Variants in PLEKHM3 observed in about 807,000 individuals in gnomAD.
PLEKHM3 encodes the protein pleckstrin homology domain-containing family M member 3.
In PLEKHM3, 45 loss-of-function variants were observed where a neutral mutation model predicts 81.8. The ratio of observed to expected loss-of-function variants is 0.55; its 90% confidence interval spans 0.43 to 0.71. PLEKHM3 has a LOEUF of 0.71. Ranked by LOEUF, PLEKHM3 falls within the 30% of genes least tolerant of loss-of-function variation. PLEKHM3 has a pLI of 0.00. For missense variants in PLEKHM3, 788 were observed against 924.3 expected, an observed-to-expected ratio of 0.85 and a Z score of 1.91; for synonymous variants, 352 against 356.4, an observed-to-expected ratio of 0.99 and a Z score of 0.14.
At chr2:207,868,523 A>ACTTAACCTCTT (rs2105824755) in intron 6 of PLEKHM3, 1 of 152,346 alleles carries the variant, frequency 6.6e-6, no homozygotes, top group East Asian at 1.9e-4. Context: ...TTGGCAAGCT[A>ACTTAACCTCTT]CTTAACCTCT....
At chr2:207,846,272 G>C (rs906254181) in intron 7 of PLEKHM3, among the ~76,000 whole-genome samples, 28 of 151,998 alleles carry the variant, frequency 1.8e-4, no homozygotes, top group Non-Finnish European at 3.2e-4. Flanking sequence ...CTCTCAAGTA[G>C]CTGGGATTAC....
chr2:207,917,052 G>A (rs2105914625), intron 5 of PLEKHM3, among the ~76,000 whole-genome samples: 1 of 152,282 alleles, frequency 6.6e-6, no homozygotes, highest in South Asian at 2.1e-4. Flanking sequence ...GAGCTATTAG[G>A]ATATCAGGAA....
intron 4 of PLEKHM3, among the ~76,000 whole-genome samples, chr2:207,939,814 T>C (rs1389929469): frequency 1.3e-5 from 2 of 152,090 alleles, no homozygotes; most frequent in South Asian, 2.1e-4. Context: ...TTCATGTAAG[T>C]GATACTGAGG....
At chr2:207,850,169 C>T (rs2105896498) in intron 7 of PLEKHM3, among the ~76,000 whole-genome samples, 1 of 152,288 alleles carries the variant, frequency 6.6e-6, no homozygotes, top group South Asian at 2.1e-4. Context: ...GAGATTAATC[C>T]ATTTTAACGA....
intron 6 of PLEKHM3, among the ~76,000 whole-genome samples, chr2:207,878,224 G>C (rs913815648): frequency 2.6e-5 from 4 of 152,094 alleles, no homozygotes; most frequent in African/African-American, 9.7e-5. Context: ...GCCCAGCCTT[G>C]CCCTAGGCTT....
At chr2:207,919,959 C>T (rs1689127151) in intron 5 of PLEKHM3, among the ~76,000 whole-genome samples, 1 of 152,082 alleles carries the variant, frequency 6.6e-6, no homozygotes. Flanking sequence ...GACAGACACA[C>T]ACACACACGC....
rs913175536 is a variant in PLEKHM3 at position 207,827,669 on chromosome 2, C to T, written c.*650G>A. 2 of 152,190 alleles carry T rather than the reference C, an allele frequency of 1.3e-5. No homozygotes were observed. Among genetic ancestry groups the T allele is most frequent in the African/African-American group, 4.8e-5 (2 of 41,454 alleles). 9.4% of individuals were successfully genotyped at this position (152,190 alleles called of 1,614,324 possible). On this transcript the variant is annotated 3_prime_UTR_variant, in exon 8 of 8. Coordinates refer to ENST00000427836, the MANE Select transcript of PLEKHM3 (RefSeq NM_001080475.3). The stretch of plus-strand genomic sequence containing the variant: ...TAACTTCAAAACCAGAACCAGCCCT[C>T]CTCATAAATGAGGGGTGTATGCTTT...
At position 207,861,094 on chromosome 2, in the gene PLEKHM3, A is replaced by T; in HGVS notation, c.2108+11T>A. ...TTTGGGTGTTCTTTTATGAAATAAGATATTCTGTACCTGCTTGTTGAAATA... is the reference window on the plus strand; with the variant it reads ...TTTGGGTGTTCTTTTATGAAATAAGTTATTCTGTACCTGCTTGTTGAAATA... On this transcript the variant is annotated intron_variant, in intron 7 of 7. Transcript: ENST00000427836. The T allele has an allele frequency of 6.2e-7, 1 of 1,609,242 alleles. No homozygotes were observed. The highest frequency in any genetic ancestry group is 2.2e-5 in the East Asian group (1 of 44,850).
intron 2 of PLEKHM3, among the ~76,000 whole-genome samples, chr2:207,988,677 T>G (rs1365298823): frequency 2.0e-5 from 3 of 152,182 alleles, no homozygotes; most frequent in African/African-American, 4.8e-5. Flanking sequence ...GTTTACTGTG[T>G]CTATTAAAAA....
chr2:207,892,023 C>T lies in PLEKHM3; in HGVS notation c.1950+16491G>A, dbSNP rs1026335324. Among the ~76,000 whole-genome samples, 8 of 152,124 alleles carry T rather than the reference C, an allele frequency of 5.3e-5. No individual in the cohort carries two copies. The South Asian group carries it at 6.2e-4, about 12-fold the overall frequency. ...TCCCTGGCCTCGAAACTGAGGACACCCTTCAAGGTGAGCCCTTCTAGAGCC... is the reference window on the plus strand; with the variant it reads ...TCCCTGGCCTCGAAACTGAGGACACTCTTCAAGGTGAGCCCTTCTAGAGCC... On this transcript the variant is annotated intron_variant, in intron 6 of 7. Transcript: ENST00000427836.
In PLEKHM3 at chr2:207,865,663, G is replaced by A. The variant is rs56199150; in HGVS notation, c.1951-4401C>T. Among the ~76,000 whole-genome samples, 7 of 148,094 alleles carry A rather than the reference G, an allele frequency of 4.7e-5. No homozygotes were observed. In the South Asian group the frequency reaches 1.1e-3, roughly 23 times the overall value. On this transcript the variant is annotated intron_variant, in intron 6 of 7. Coordinates refer to ENST00000427836, the MANE Select transcript of PLEKHM3 (RefSeq NM_001080475.3). ...GGCATGGTGGTGTATGCCTGTAATC[G>A]CAGCTACTCGGGAAGCTAAGGAAGG...
At chr2:207,846,910 T>C (rs1207014925) in intron 7 of PLEKHM3, among the ~76,000 whole-genome samples, 1 of 152,170 alleles carries the variant, frequency 6.6e-6, no homozygotes, top group Non-Finnish European at 1.5e-5. Context: ...ATGGAGAATA[T>C]TTTCTTTAAT....
At chr2:207,852,792 A>C (rs775496579) in intron 7 of PLEKHM3, 17 of 446,880 alleles carry the variant, frequency 3.8e-5, no homozygotes, top group South Asian at 2.8e-4. Context: ...CCTCAGCATC[A>C]GGCCACATAT....
At chr2:207,849,376 A>G (rs879371826) in intron 7 of PLEKHM3, among the ~76,000 whole-genome samples, 3 of 152,140 alleles carry the variant, frequency 2.0e-5, no homozygotes, top group Admixed American at 1.3e-4. Flanking sequence ...AGAGTATGCT[A>G]ACTCAAGTGG....
intron 6 of PLEKHM3, among the ~76,000 whole-genome samples, chr2:207,889,309 T>C (rs1574374507): frequency 6.6e-6 from 1 of 151,976 alleles, no homozygotes; most frequent in African/African-American, 2.4e-5. Flanking sequence ...GTCAAGGAAA[T>C]CAGGTTAAAA....
At chr2:207,978,189 C>T (rs546844726) in intron 2 of PLEKHM3, among the ~76,000 whole-genome samples, 18 of 150,940 alleles carry the variant, frequency 1.2e-4, no homozygotes, top group South Asian at 1.0e-3. Context: ...GCAACATCAA[C>T]GTGAGATGCA....
intron 1 of PLEKHM3, among the ~76,000 whole-genome samples, chr2:208,007,039 T>G (rs1006913297): frequency 6.6e-6 from 1 of 152,174 alleles, no homozygotes; most frequent in Non-Finnish European, 1.5e-5. Flanking sequence ...CACACAGAGA[T>G]GCTGTGTCCT....
chr2:207,825,393 T>C lies in PLEKHM3; in HGVS notation c.*2926A>G, dbSNP rs1322066885. 1.4e-5 allele frequency: 2 copies of C among 146,254 alleles called. No homozygotes were observed. The highest frequency in any genetic ancestry group is 5.6e-5 in the African/African-American group (2 of 35,870). 9.1% of individuals were successfully genotyped at this position (146,254 alleles called of 1,614,324 possible). A position where few individuals can be genotyped will look rare whatever the true frequency, so the allele number is the denominator to read the frequency against. ...AGGAGATTAATTGGCCATTTTTTCA[T>C]ATGTTTTATGTGCAAGATATTTAAT... On this transcript the variant is annotated 3_prime_UTR_variant, in exon 8 of 8. Coordinates refer to ENST00000427836, the MANE Select transcript of PLEKHM3 (RefSeq NM_001080475.3).
intron 6 of PLEKHM3, among the ~76,000 whole-genome samples, chr2:207,892,022 C>T (rs76382946): frequency 6.6e-6 from 1 of 152,132 alleles, no homozygotes; most frequent in South Asian, 2.1e-4. Context: ...ACTGAGGACA[C>T]CCTTCAAGGT....
Sources: allele counts gnomAD v4.1 joint callset (sites outside exome capture counted in the v4.1 genomes callset), GRCh38; gene constraint gnomAD v4.1.1; transcripts MANE v1.5; gene names NCBI Gene and HGNC (gene_info 2026-07-23, HGNC 2026-07-21).